LHPP: variants seen among roughly 807,000 people sequenced by gnomAD.
The protein encoded by LHPP is hLHPP.
Under a neutral mutation model 30.3 loss-of-function variants are expected in LHPP, and 24 were observed. The observed-to-expected ratio is 0.79, with a 90% confidence interval of 0.57 to 1.11. The LOEUF is 1.11. LHPP is among the 50% of genes most tolerant of loss of function. The probability of loss-of-function intolerance (pLI) is 0.00; values close to 1 mark genes in which losing one functional copy is unlikely to be tolerated. For missense variants in LHPP, 356 were observed against 367.2 expected, an observed-to-expected ratio of 0.97 and a Z score of 0.25; for synonymous variants, 150 against 157.1, an observed-to-expected ratio of 0.95 and a Z score of 0.34.
At chr10:124,526,822 C>T (rs761025865) in intron 6 of LHPP, among the ~76,000 whole-genome samples, 12 of 152,194 alleles carry the variant, frequency 7.9e-5, no homozygotes, top group Non-Finnish European at 1.6e-4. Context: ...TGAACCCAAG[C>T]GCTCTCTTCC....
chr10:124,466,829 A>G (rs1952564198), intron 1 of LHPP, among the ~76,000 whole-genome samples: 1 of 152,114 alleles, frequency 6.6e-6, no homozygotes, highest in African/African-American at 2.4e-5. Context: ...TCAAATATTA[A>G]ATTGAATATT....
intron 3 of LHPP, 103 bp downstream of exon 3, chr10:124,488,678 G>T: frequency 1.0e-6 from 1 of 984,406 alleles, no homozygotes. Flanking sequence ...AGGGGAGGTG[G>T]GAGGAGCACC....
chr10:124,595,350 C>T (rs1948929748), intron 6 of LHPP, among the ~76,000 whole-genome samples: 1 of 152,218 alleles, frequency 6.6e-6, no homozygotes, highest in Non-Finnish European at 1.5e-5. Context: ...CCCATGGAGC[C>T]ACACAGCAGG....
chr10:124,524,253 ATACT>A (rs966389460), intron 6 of LHPP, among the ~76,000 whole-genome samples: 41 of 150,876 alleles, frequency 2.7e-4, no homozygotes, highest in African/African-American at 8.8e-4. Flanking sequence ...ACTTTATGTC[ATACT>A]TTCTTTCTTT....
At chr10:124,500,774 A>T (rs1953876146) in intron 5 of LHPP, among the ~76,000 whole-genome samples, 1 of 151,940 alleles carries the variant, frequency 6.6e-6, no homozygotes, top group African/African-American at 2.4e-5. Flanking sequence ...GATGTAGAGA[A>T]ATTGGAACCC....
At chr10:124,498,183 C>CCCG in intron 5 of LHPP, 55 bp downstream of exon 5, 2 of 1,340,018 alleles carry the variant, frequency 1.5e-6, no homozygotes, top group Non-Finnish European at 1.0e-6. Flanking sequence ...CAGGGAGGCC[C>CCCG]TGGAGCTTGG....
intron 6 of LHPP, among the ~76,000 whole-genome samples, chr10:124,591,717 A>G (rs1948884260): frequency 6.6e-6 from 1 of 152,048 alleles, no homozygotes; most frequent in Non-Finnish European, 1.5e-5. Context: ...AGCATTTGGT[A>G]CTATGAATTT....
intron 1 of LHPP, among the ~76,000 whole-genome samples, chr10:124,471,732 TATATTTG>T (rs1311798782): frequency 6.2e-5 from 8 of 128,974 alleles, no homozygotes; most frequent in South Asian, 4.8e-4. Context: ...TATGTATATA[TATATTTG>T]TATATATATT....
At chr10:124,557,385 A>AT (rs1360412930) in intron 6 of LHPP, among the ~76,000 whole-genome samples, 1 of 152,126 alleles carries the variant, frequency 6.6e-6, no homozygotes, top group Non-Finnish European at 1.5e-5. Context: ...TGCACAAGGG[A>AT]TGGTGCCCAG....
At chr10:124,473,757 A>G (rs1291191672) in intron 1 of LHPP, among the ~76,000 whole-genome samples, 1 of 152,186 alleles carries the variant, frequency 6.6e-6, no homozygotes, top group Non-Finnish European at 1.5e-5. Flanking sequence ...GTTCAAGACC[A>G]GCCTGGCCAA....
chr10:124,610,998 GTGTT>G (rs1949188682), intron 6 of LHPP, among the ~76,000 whole-genome samples: 1 of 48,702 alleles, frequency 2.1e-5, no homozygotes. Context: ...GCGGGTGAGG[GTGTT>G]AATGAAGCGG....
intron 6 of LHPP, among the ~76,000 whole-genome samples, chr10:124,603,654 G>A (rs930300511): frequency 4.6e-5 from 7 of 152,234 alleles, no homozygotes; most frequent in Non-Finnish European, 4.4e-5. Context: ...GGGTCTCCAA[G>A]CTGGGAGCCT....
intron 6 of LHPP, among the ~76,000 whole-genome samples, chr10:124,591,374 C>A (rs570627811): frequency 1.2e-3 from 186 of 152,242 alleles, no homozygotes; most frequent in African/African-American, 4.2e-3. Flanking sequence ...CAACCCCCAC[C>A]ACCTCCCCTG....
intron 5 of LHPP, among the ~76,000 whole-genome samples, chr10:124,503,283 C>T (rs1953966483): frequency 6.6e-6 from 1 of 151,782 alleles, no homozygotes; most frequent in South Asian, 2.1e-4. Context: ...TCAGGCTGGT[C>T]TCAAACTCTC....
chr10:124,522,561 C>A (rs1589826207), intron 6 of LHPP, among the ~76,000 whole-genome samples: 1 of 152,348 alleles, frequency 6.6e-6, no homozygotes, highest in Middle Eastern at 3.4e-3. Context: ...GGACTGGAAC[C>A]TGGCCGCCCC....
At position 124,571,442 on chromosome 10, in the gene LHPP, G is replaced by A. The variant is rs192492735; in HGVS notation, c.717-41822G>A. On this transcript the variant is annotated intron_variant, in intron 6 of 6. Transcript: ENST00000368842. ...GAAGAAAGTAAATTTATTCACTTCC[G>A]TTCAGGAAATTTACCTACCAAACAA... Among the ~76,000 whole-genome samples, 16 of 152,302 alleles carry A rather than the reference G, an allele frequency of 1.1e-4. No homozygotes were observed. The East Asian group carries it at 1.3e-3, about 13-fold the overall frequency.
intron 6 of LHPP, among the ~76,000 whole-genome samples, chr10:124,585,342 C>T (rs1014298597): frequency 1.3e-4 from 19 of 151,916 alleles, no homozygotes; most frequent in African/African-American, 4.1e-4. Context: ...AGGCCAGGAG[C>T]GGTGGCTCGT....
chr10:124,594,312 A>G (rs2134004532), intron 6 of LHPP, among the ~76,000 whole-genome samples: 1 of 131,262 alleles, frequency 7.6e-6, no homozygotes, highest in South Asian at 3.0e-4. Flanking sequence ...CCTGGGCGGC[A>G]GAGTGAGACT....
At chr10:124,462,386 G>A (rs977366627) in intron 1 of LHPP, among the ~76,000 whole-genome samples, 3 of 152,184 alleles carry the variant, frequency 2.0e-5, no homozygotes, top group African/African-American at 7.2e-5. Flanking sequence ...TTGAGGCTAG[G>A]GGGTTGGAGA....
Sources: allele counts gnomAD v4.1 joint callset (sites outside exome capture counted in the v4.1 genomes callset), GRCh38; gene constraint gnomAD v4.1.1; transcripts MANE v1.5; gene names NCBI Gene and HGNC (gene_info 2026-07-23, HGNC 2026-07-21).